L3HYPDH: variants seen among roughly 807,000 people sequenced by gnomAD.
L3HYPDH encodes the protein trans-L-3-hydroxyproline dehydratase.
In L3HYPDH, 32 loss-of-function variants were observed where a neutral mutation model predicts 26.5. The ratio of observed to expected loss-of-function variants is 1.21; its 90% CI spans 0.91 to 1.62. The LOEUF (loss-of-function observed/expected upper bound fraction) is 1.62, where lower values mean the gene tolerates loss of function less well. L3HYPDH is among the 40% of genes most tolerant of loss of function. The probability of loss-of-function intolerance (pLI) is 0.00; values close to 1 mark genes in which losing one functional copy is unlikely to be tolerated. For synonymous variants in L3HYPDH, 215 were observed against 196.6 expected (o/e 1.09, Z -0.78); for missense variants, 554 against 476.4 (o/e 1.16, Z -1.52).
rs919167215 is a variant in L3HYPDH, at chr14:59,472,809, G to A, written c.*156C>T. ...ATACAAATACAGTTGCAAATACGAG[G>A]TATAATGACTTTATATTTAGCCACA... On this transcript the variant is annotated 3_prime_UTR_variant, in exon 5 of 5. Transcript: ENST00000247194. The A allele has an allele frequency of 7.2e-6, 4 of 555,338 alleles. No homozygotes were observed. Among genetic ancestry groups the A allele is most frequent in the African/African-American group, 4.0e-5 (2 of 50,622 alleles). The allele number at this position is 555,338 out of a possible 1,614,324, so 34.4% of individuals were successfully genotyped here. A position where few individuals can be genotyped will look rare whatever the true frequency, so the allele number is the denominator to read the frequency against.
Position 59,483,813 on chromosome 14 carries a change from G to A in L3HYPDH, c.504C>T (p.Ala168=). Residue 168 remains alanine, a synonymous_variant, in exon 1 of 5, where the codon GCC becomes GCT. Coordinates refer to ENST00000247194, the MANE Select transcript of L3HYPDH (RefSeq NM_144581.2). ...TGGAAAGGTCCCGCCCATTACCTGT[G>A]GCCAGCACGAAGGCCGGGACGCTGT... ...RFHSVPAFVL[A]TDLMVDVPGH... The A allele has an allele frequency of 1.0e-5, 16 of 1,593,330 alleles. No individual in the cohort carries two copies. The highest frequency in any genetic ancestry group is 1.4e-5 in the Non-Finnish European group (16 of 1,177,196).
the L3HYPDH span, among the ~76,000 whole-genome samples, chr14:59,499,613 A>G: frequency 6.6e-6 from 1 of 152,202 alleles, no homozygotes; most frequent in Admixed American, 6.5e-5. Flanking sequence ...TGGCTGAGAA[A>G]ATGTAGTGTG....
At chr14:59,471,071 A>G (rs552709782), downstream of L3HYPDH, among the ~76,000 whole-genome samples, 1 of 152,056 alleles carries the variant, frequency 6.6e-6, no homozygotes, top group East Asian at 1.9e-4. Flanking sequence ...GGCAGAATCA[A>G]CAGGGCTTTG....
At chr14:59,501,016 T>C in the L3HYPDH span, 1 of 562,592 alleles carries the variant, frequency 1.8e-6, no homozygotes, top group Non-Finnish European at 3.1e-6. Flanking sequence ...ATTTACTATC[T>C]TGCCCTTTCC....
rs781056392 is a variant in L3HYPDH, at chr14:59,484,184, G to T, written c.133C>A (p.Pro45Thr). 22 of 1,599,296 alleles carry T rather than the reference G, an allele frequency of 1.4e-5. No homozygotes were observed. In the African/African-American group the frequency reaches 2.1e-4, roughly 16 times the overall value. Reference protein sequence around the residue: ...VLAGCPEVSGPTLLAKRRYMR... With the variant: ...VLAGCPEVSGTTLLAKRRYMR... The stretch of plus-strand genomic sequence containing the variant: ...TAGCGCCGCTTGGCCAGCAGGGTGG[G>T]CCCAGACACCTCCGGACACCCCGCC... Residue 45 changes from proline (P) to threonine (T), a missense_variant, in exon 1 of 5, where the codon CCC becomes ACC. Transcript: ENST00000247194.
rs1476733125 is a variant in L3HYPDH, at chr14:59,473,066, C to A, written c.964G>T (p.Ala322Ser). The A allele has an allele frequency of 1.3e-6, 2 of 1,598,004 alleles. No individual in the cohort carries two copies. The highest frequency in any genetic ancestry group is 2.7e-5 in the African/African-American group (2 of 73,470). ...TGTCCTGATACTTCCACTATAACAG[C>A]TTTAAAATCACCACATTTCGCTTCC... ...VREAKCGDFK[A>S]VIVEVSGQAH... Residue 322 changes from alanine to serine, a missense_variant, in exon 5 of 5, where the codon GCT becomes TCT. Coordinates refer to ENST00000247194, the MANE Select transcript of L3HYPDH (RefSeq NM_144581.2).
At chr14:59,481,635 C>A (rs994450218) in intron 1 of L3HYPDH, among the ~76,000 whole-genome samples, 16 of 152,268 alleles carry the variant, frequency 1.1e-4, no homozygotes, top group Middle Eastern at 3.4e-3. Flanking sequence ...GTAGAAGATA[C>A]GAGAAGTACA....
the L3HYPDH span, among the ~76,000 whole-genome samples, chr14:59,490,387 G>A: frequency 1.3e-5 from 2 of 152,170 alleles, no homozygotes; most frequent in East Asian, 1.9e-4. Context: ...CATGAGATTT[G>A]GAGGGAATGA....
intron 1 of L3HYPDH, 120 bp downstream of exon 1, chr14:59,483,689 A>G (rs1157781934): frequency 2.0e-6 from 3 of 1,471,176 alleles, no homozygotes; most frequent in Admixed American, 4.9e-5. Context: ...CCTTTCTATT[A>G]ATTGCAAGGT....
the L3HYPDH span, among the ~76,000 whole-genome samples, chr14:59,494,018 TGTAAAGTTAGATCCTACCTTAC>T: frequency 6.6e-6 from 1 of 152,092 alleles, no homozygotes; most frequent in African/African-American, 2.4e-5. Context: ...AATGGGAAAA[TGTAAAGTTAGATCCTACCTTAC>T]GTTAGGCACA....
the L3HYPDH span, among the ~76,000 whole-genome samples, chr14:59,490,842 A>G: frequency 2.0e-5 from 3 of 152,250 alleles, no homozygotes; most frequent in Non-Finnish European, 2.9e-5. Flanking sequence ...CTCAGCCCAC[A>G]GTAAAGAAGA....
chr14:59,485,000 C>G, upstream of L3HYPDH: 1 of 1,583,220 alleles, frequency 6.3e-7, no homozygotes, highest in South Asian at 1.1e-5. Context: ...ATTTATAGCG[C>G]CCGTCACAAA....
At chr14:59,493,093 CAGCCA>C in the L3HYPDH span, among the ~76,000 whole-genome samples, 6 of 152,110 alleles carry the variant, frequency 3.9e-5, no homozygotes, top group African/African-American at 9.7e-5. Context: ...CCACCACGCC[CAGCCA>C]AGGAGAGCTG....
Position 59,481,275 on chromosome 14 carries a change from A to G in L3HYPDH, c.509-1924T>C, listed in dbSNP as rs1295072047. Among the ~76,000 whole-genome samples the G allele has an allele frequency of 7.2e-5, 11 of 152,218 alleles. 2 individuals carry two copies. The highest frequency in any genetic ancestry group is 7.2e-4 in the Admixed American group (11 of 15,290). ...ACTAACATTAAAAATTAAGATATTT[A>G]TTTCACCCATGAGTACTTCCTATGT... is the stretch of plus-strand genomic sequence containing the variant. On this transcript the variant is annotated intron_variant, in intron 1 of 4. Coordinates refer to ENST00000247194, the MANE Select transcript of L3HYPDH (RefSeq NM_144581.2).
At chr14:59,468,916 G>T (rs1254940498), downstream of L3HYPDH, among the ~76,000 whole-genome samples, 1 of 152,024 alleles carries the variant, frequency 6.6e-6, no homozygotes, top group African/African-American at 2.4e-5. Flanking sequence ...ATATGGATTA[G>T]GATTCTCTGG....
upstream of L3HYPDH, among the ~76,000 whole-genome samples, chr14:59,488,740 A>G (rs1890767085): frequency 6.6e-6 from 1 of 152,168 alleles, no homozygotes; most frequent in Non-Finnish European, 1.5e-5. Flanking sequence ...GATCTTTCCT[A>G]CTTTAGGTTC....
intron 4 of L3HYPDH, among the ~76,000 whole-genome samples, chr14:59,473,373 G>T (rs1159860255): frequency 6.6e-6 from 1 of 152,186 alleles, no homozygotes; most frequent in Non-Finnish European, 1.5e-5. Context: ...CACTATGGGA[G>T]TTTTCAGTGA....
the L3HYPDH span, chr14:59,495,213 C>T: frequency 2.2e-3 from 3,509 of 1,605,024 alleles, 53 homozygotes; most frequent in African/African-American, 0.042. Context: ...CTCATGAAGC[C>T]GTCTACCCAC....
At position 59,479,299 on chromosome 14, in the gene L3HYPDH, A is replaced by G. The variant is rs757223016; in HGVS notation, c.561T>C (p.Tyr187=). Residue 187 remains tyrosine, a synonymous_variant, in exon 2 of 5, where the codon TAT becomes TAC. Transcript: ENST00000247194. ...GHGKVMVDIA[Y]GGAFYAFVTA... is the part of the protein sequence containing the mutation. ...TAACAAATGCATAAAATGCACCGCC[A>G]TATGCAATGTCCACCATCACCTTTC... The G allele has an allele frequency of 2.5e-6, 4 of 1,613,614 alleles. No homozygotes were observed. The highest frequency in any genetic ancestry group is 1.6e-4 in the Middle Eastern group (1 of 6,062).
Sources: allele counts gnomAD v4.1 joint callset (sites outside exome capture counted in the v4.1 genomes callset), GRCh38; gene constraint gnomAD v4.1.1; transcripts MANE v1.5; gene names NCBI Gene and HGNC (gene_info 2026-07-23, HGNC 2026-07-21).